The following LMO7 variants were observed in gnomAD, a reference collection of about 807,000 sequenced individuals.
LMO7 encodes the protein LIM domain only protein 7.
Under a neutral mutation model 206.5 loss-of-function variants are expected in LMO7, and 120 were observed. That is an observed-to-expected ratio of 0.58 (90% CI 0.50 to 0.68). The LOEUF is 0.68. LMO7 is among the 30% of genes least tolerant of loss of function. The pLI is 0.00. For synonymous variants in LMO7, 706 were observed against 681.5 expected, an observed-to-expected ratio of 1.04 and a Z score of -0.56; for missense variants, 1,959 against 1,957.9, an observed-to-expected ratio of 1.00 and a Z score of -0.01.
At chr13:75,655,814 T>G (rs1344716276) in intron 1 of LMO7, among the ~76,000 whole-genome samples, 1 of 152,010 alleles carries the variant, frequency 6.6e-6, no homozygotes, top group East Asian at 1.9e-4. Context: ...AGATTTTTCT[T>G]GTTTGTTCTT....
chr13:75,825,831 G>A (rs907273133), intron 15 of LMO7, among the ~76,000 whole-genome samples: 1 of 152,112 alleles, frequency 6.6e-6, no homozygotes, highest in Non-Finnish European at 1.5e-5. Flanking sequence ...CTATTCAGAT[G>A]TTATAACTCT....
intron 3 of LMO7, among the ~76,000 whole-genome samples, chr13:75,757,754 A>G (rs530034527): frequency 1.8e-4 from 28 of 151,876 alleles, no homozygotes; most frequent in South Asian, 6.2e-4. Context: ...TTTAAAGCTT[A>G]AAGGAGCTAT....
chr13:75,850,289 A>T (rs1298566227), intron 27 of LMO7, among the ~76,000 whole-genome samples: 1 of 152,214 alleles, frequency 6.6e-6, no homozygotes, highest in African/African-American at 2.4e-5. Flanking sequence ...ACAATTGTAT[A>T]TGGAAATAGG....
intron 27 of LMO7, among the ~76,000 whole-genome samples, chr13:75,852,609 T>G (rs75010912): frequency 0.015 from 2,360 of 152,358 alleles, 27 homozygotes; most frequent in Non-Finnish European, 0.023. Context: ...GTTCTCAACT[T>G]TCAGTGGTTC....
chr13:75,620,574 TTCTAACAAGCAC>T (rs2033264390), exon 1 of LMO7: 1 of 152,098 alleles, frequency 6.6e-6, no homozygotes, highest in Admixed American at 6.5e-5. Flanking sequence ...GATTGTGCAT[TTCTAACAAGCAC>T]TCAGATAATC....
Position 75,856,543 on chromosome 13 carries a change from C to T in LMO7, c.4808C>T (p.Ser1603Leu), listed in dbSNP as rs2060975265. The T allele has an allele frequency of 1.9e-6, 3 of 1,612,142 alleles. No individual in the cohort carries two copies. The highest frequency in any genetic ancestry group is 1.7e-5 in the Admixed American group (1 of 59,968). ...ACECDLGGSSSGAEVRIRNHQ... is the reference protein window; with the variant it reads ...ACECDLGGSSLGAEVRIRNHQ... ...GAGTGTGACCTCGGAGGCTCTTCCT[C>T]AGGAGCTGAAGTCAGGATCAGAAAC... The change falls in exon 30 of 31, where the codon TCA becomes TTA. Residue 1603 changes from serine to leucine, a missense_variant. Physicochemically the swap from Ser to Leu is moderately radical, Grantham distance 145 (BLOSUM62 -2). Coordinates refer to ENST00000377534, the MANE Select transcript of LMO7 (RefSeq NM_001306080.2).
At chr13:75,846,289 G>C (rs2059992142) in intron 26 of LMO7, among the ~76,000 whole-genome samples, 1 of 152,124 alleles carries the variant, frequency 6.6e-6, no homozygotes, top group Admixed American at 6.6e-5. Flanking sequence ...ACAGTTCTAT[G>C]ATTATCCCTT....
chr13:75,682,563 A>G (rs2040626358), intron 1 of LMO7, among the ~76,000 whole-genome samples: 4 of 152,154 alleles, frequency 2.6e-5, no homozygotes. Flanking sequence ...GATGTGGGGT[A>G]AAGAGGAAAG....
intron 1 of LMO7, among the ~76,000 whole-genome samples, chr13:75,675,160 T>A (rs1284411188): frequency 2.6e-5 from 4 of 151,816 alleles, no homozygotes; most frequent in Admixed American, 6.6e-5. Context: ...CATTGCAACC[T>A]CTGCCTCCCG....
At chr13:75,692,886 G>A (rs184404262) in intron 1 of LMO7, among the ~76,000 whole-genome samples, 1 of 152,194 alleles carries the variant, frequency 6.6e-6, no homozygotes, top group Non-Finnish European at 1.5e-5. Flanking sequence ...TGACTTTGGA[G>A]GGTAAAAGAA....
intron 1 of LMO7, among the ~76,000 whole-genome samples, chr13:75,703,219 T>C (rs1266296892): frequency 6.6e-6 from 1 of 152,202 alleles, no homozygotes; most frequent in Non-Finnish European, 1.5e-5. Context: ...TTTTTATTCC[T>C]ATAAATTAGT....
intron 4 of LMO7, among the ~76,000 whole-genome samples, chr13:75,771,906 C>CAGGATTGCTCAG (rs6145128): frequency 6.6e-6 from 1 of 151,980 alleles, no homozygotes; most frequent in Non-Finnish European, 1.5e-5. Context: ...ACTTCAGTAG[C>CAGGATTGCTCAG]AATCCTGCTA....
At chr13:75,825,109 A>G (rs1459366352) in intron 15 of LMO7, among the ~76,000 whole-genome samples, 1 of 152,086 alleles carries the variant, frequency 6.6e-6, no homozygotes, top group East Asian at 1.9e-4. Context: ...GCATATTTAC[A>G]TATATCTAAA....
At chr13:75,818,896 G>A (rs796359386) in intron 12 of LMO7, among the ~76,000 whole-genome samples, 17 of 152,306 alleles carry the variant, frequency 1.1e-4, no homozygotes, top group African/African-American at 3.8e-4. Context: ...CCCTATGCAT[G>A]TGTGTATTAA....
chr13:75,628,967 C>T (rs2034555849), intron 2 of LMO7, among the ~76,000 whole-genome samples: 1 of 152,228 alleles, frequency 6.6e-6, no homozygotes. Flanking sequence ...TTGTGTAGAA[C>T]AGTTGTCCTC....
intron 1 of LMO7, among the ~76,000 whole-genome samples, chr13:75,693,121 A>G (rs557395770): frequency 2.2e-4 from 33 of 152,336 alleles, no homozygotes; most frequent in African/African-American, 7.5e-4. Flanking sequence ...GTGTATGGGT[A>G]GCTGTATTAT....
chr13:75,763,989 A>G (rs1317086019), intron 4 of LMO7, among the ~76,000 whole-genome samples: 1 of 152,178 alleles, frequency 6.6e-6, no homozygotes, highest in Non-Finnish European at 1.5e-5. Context: ...AGTATTCTTT[A>G]TATTTCTGTA....
intron 3 of LMO7, among the ~76,000 whole-genome samples, chr13:75,732,646 A>G (rs2045366949): frequency 1.3e-5 from 2 of 152,188 alleles, no homozygotes; most frequent in Admixed American, 1.3e-4. Flanking sequence ...TTCTCTGTCC[A>G]GCTTTGTTCC....
At chr13:75,706,900 T>C (rs896732178) in intron 1 of LMO7, among the ~76,000 whole-genome samples, 1 of 152,128 alleles carries the variant, frequency 6.6e-6, no homozygotes, top group Non-Finnish European at 1.5e-5. Flanking sequence ...TGGGAGGTTT[T>C]GTAACTTTCT....
Sources: gnomAD v4.1 joint callset for allele counts (sites outside exome capture counted in the v4.1 genomes callset) on GRCh38, gnomAD v4.1.1 for gene constraint, MANE v1.5 for transcripts, NCBI Gene and HGNC (gene_info 2026-07-23, HGNC 2026-07-21) for gene names.